ZMAT4: variants seen among roughly 807,000 people sequenced by gnomAD.
ZMAT4 encodes the protein zinc finger matrin-type protein 4.
Under a neutral mutation model 28.7 loss-of-function variants are expected in ZMAT4, and 17 were observed. That is an observed-to-expected ratio of 0.59 (90% CI 0.41 to 0.89). The LOEUF (loss-of-function observed/expected upper bound fraction) is 0.89, where lower values mean the gene tolerates loss of function less well. Ranked by LOEUF, ZMAT4 falls within the 40% of genes least tolerant of loss-of-function variation. ZMAT4 has a pLI of 0.00. For synonymous variants in ZMAT4, 117 were observed against 109.2 expected, an observed-to-expected ratio of 1.07 and a Z score of -0.44; for missense variants, 240 against 283.8, an observed-to-expected ratio of 0.85 and a Z score of 1.11.
At chr8:40,602,535 T>C (rs745410702) in intron 5 of ZMAT4, among the ~76,000 whole-genome samples, 5 of 152,164 alleles carry the variant, frequency 3.3e-5, no homozygotes, top group African/African-American at 7.2e-5. Flanking sequence ...CCAATCACTA[T>C]ATTTTTTTTA....
intron 6 of ZMAT4, among the ~76,000 whole-genome samples, chr8:40,571,304 C>T (rs1320373614): frequency 1.8e-4 from 1 of 5,480 alleles, no homozygotes; most frequent in Non-Finnish European, 7.7e-3. Flanking sequence ...GCAAGTGCAA[C>T]TTAGAAAAAT....
intron 3 of ZMAT4, among the ~76,000 whole-genome samples, chr8:40,723,229 C>CATAAAATA (rs1811178659): frequency 6.6e-6 from 1 of 152,090 alleles, no homozygotes; most frequent in Admixed American, 6.6e-5. Context: ...AATATACCTT[C>CATAAAATA]TAATAGAAAT....
chr8:40,732,992 C>T (rs1056330119), intron 3 of ZMAT4, among the ~76,000 whole-genome samples: 1 of 151,824 alleles, frequency 6.6e-6, no homozygotes, highest in Non-Finnish European at 1.5e-5. Flanking sequence ...TTGACAGGCA[C>T]AGGCCACCAC....
intron 3 of ZMAT4, among the ~76,000 whole-genome samples, chr8:40,699,826 A>G (rs746104672): frequency 6.6e-6 from 1 of 152,236 alleles, no homozygotes; most frequent in Admixed American, 6.5e-5. Context: ...GAATCTGTGT[A>G]TCTGTTCATC....
chr8:40,610,154 A>G (rs750804018), intron 5 of ZMAT4, among the ~76,000 whole-genome samples: 1 of 152,234 alleles, frequency 6.6e-6, no homozygotes, highest in Non-Finnish European at 1.5e-5. Context: ...AGAATCCACA[A>G]ATAGGTCCCC....
At chr8:40,778,064 G>A (rs1191177029) in intron 2 of ZMAT4, among the ~76,000 whole-genome samples, 1 of 152,048 alleles carries the variant, frequency 6.6e-6, no homozygotes, top group Non-Finnish European at 1.5e-5. Context: ...TAGGTAAATC[G>A]GATTACAGTA....
rs568665556 is a variant in ZMAT4 at position 40,693,355 on chromosome 8, A to G, written c.349+3890T>C. Among the ~76,000 whole-genome samples the G allele has an allele frequency of 4.6e-5, 7 of 152,160 alleles. No individual in the cohort carries two copies. In the South Asian group the frequency reaches 1.2e-3, roughly 27 times the overall value. ...GGTATCAAATTCCTGGGCTCAAGCA[A>G]TCCTCCAGCCTCAGCCTCCCAGAGT... On this transcript the variant is annotated intron_variant, in intron 4 of 6. Transcript: ENST00000297737.
At chr8:40,844,279 C>T (rs555685696) in intron 1 of ZMAT4, among the ~76,000 whole-genome samples, 3 of 152,278 alleles carry the variant, frequency 2.0e-5, no homozygotes, top group South Asian at 4.1e-4. Flanking sequence ...ATGGCGTTCC[C>T]AGAAGAGATT....
At chr8:40,582,913 A>G (rs755424456) in intron 5 of ZMAT4, among the ~76,000 whole-genome samples, 1 of 152,202 alleles carries the variant, frequency 6.6e-6, no homozygotes, top group Non-Finnish European at 1.5e-5. Flanking sequence ...CTAGACACAG[A>G]TGATAACTAT....
chr8:40,724,357 G>T (rs1811235075), intron 3 of ZMAT4, among the ~76,000 whole-genome samples: 1 of 152,190 alleles, frequency 6.6e-6, no homozygotes. Context: ...TCTCTAAGCT[G>T]TCAGATTTGG....
At chr8:40,702,152 T>C (rs570581790) in intron 3 of ZMAT4, among the ~76,000 whole-genome samples, 49 of 152,282 alleles carry the variant, frequency 3.2e-4, no homozygotes, top group Admixed American at 1.5e-3. Flanking sequence ...AATCTTGGAC[T>C]TCCCAGCTTC....
chr8:40,609,129 A>T (rs570633057), intron 5 of ZMAT4, among the ~76,000 whole-genome samples: 1 of 152,334 alleles, frequency 6.6e-6, no homozygotes, highest in Middle Eastern at 3.4e-3. Flanking sequence ...TTTTCAATAC[A>T]TTGCAGACCA....
chr8:40,803,827 C>A (rs1397135410), intron 2 of ZMAT4, among the ~76,000 whole-genome samples: 1 of 152,098 alleles, frequency 6.6e-6, no homozygotes, highest in African/African-American at 2.4e-5. Context: ...TGGAAGCAAC[C>A]AAGAGGCCCT....
chr8:40,728,561 G>A (rs1811401605), intron 3 of ZMAT4, among the ~76,000 whole-genome samples: 1 of 152,176 alleles, frequency 6.6e-6, no homozygotes. Flanking sequence ...AACACCAGAA[G>A]CACAACAATC....
At chr8:40,631,708 T>C (rs1806590630) in intron 5 of ZMAT4, among the ~76,000 whole-genome samples, 1 of 152,192 alleles carries the variant, frequency 6.6e-6, no homozygotes, top group African/African-American at 2.4e-5. Flanking sequence ...CCACTCTCAT[T>C]TTGCAAAACA....
intron 5 of ZMAT4, among the ~76,000 whole-genome samples, chr8:40,642,600 T>C (rs1177269144): frequency 6.6e-6 from 1 of 152,226 alleles, no homozygotes; most frequent in Non-Finnish European, 1.5e-5. Context: ...ATGTTCTTCC[T>C]TCATAAGAAC....
chr8:40,555,871 C>T (rs945634697), intron 6 of ZMAT4, among the ~76,000 whole-genome samples: 1 of 152,134 alleles, frequency 6.6e-6, no homozygotes, highest in Non-Finnish European at 1.5e-5. Flanking sequence ...ACTTAACACA[C>T]TGCAATTTGT....
intron 1 of ZMAT4, among the ~76,000 whole-genome samples, chr8:40,829,198 C>T (rs1296430935): frequency 1.3e-5 from 2 of 152,168 alleles, no homozygotes; most frequent in Non-Finnish European, 2.9e-5. Context: ...AATTTGATTT[C>T]CTGGGTCTGA....
chr8:40,750,088 C>T (rs1812392879), intron 3 of ZMAT4, among the ~76,000 whole-genome samples: 1 of 152,168 alleles, frequency 6.6e-6, no homozygotes, highest in African/African-American at 2.4e-5. Flanking sequence ...TGGTGTTGAT[C>T]AGGAGACATT....
Sources: allele counts gnomAD v4.1 joint callset (sites outside exome capture counted in the v4.1 genomes callset), GRCh38; gene constraint gnomAD v4.1.1; transcripts MANE v1.5; gene names NCBI Gene and HGNC (gene_info 2026-07-23, HGNC 2026-07-21).